ANKS1A: variants seen among roughly 807,000 people sequenced by gnomAD.
ANKS1A encodes ankyrin repeat and SAM domain-containing protein 1A.
ANKS1A carries 55 observed loss-of-function variants against 120.3 expected under a neutral mutation model. That is an observed-to-expected ratio of 0.46 (90% confidence interval 0.37 to 0.57). The LOEUF is 0.57. Among genes scored for constraint, ANKS1A ranks in the 20% least tolerant of loss-of-function variants. ANKS1A has a pLI of 0.00. For synonymous variants in ANKS1A, 590 were observed against 604.7 expected (o/e 0.98, Z 0.36); for missense variants, 1,123 against 1,480.3 (o/e 0.76, Z 3.96).
chr6:34,939,969 C>A (rs908425701), intron 1 of ANKS1A, among the ~76,000 whole-genome samples: 4 of 152,104 alleles, frequency 2.6e-5, no homozygotes, highest in African/African-American at 9.7e-5. Context: ...TTGGGGGAAG[C>A]GCTATAGTGT....
At chr6:35,061,811 G>C (rs1468178026) in intron 13 of ANKS1A, among the ~76,000 whole-genome samples, 1 of 152,200 alleles carries the variant, frequency 6.6e-6, no homozygotes, top group Non-Finnish European at 1.5e-5. Context: ...TCGGGGTGGA[G>C]AGGGGGCTCA....
Position 34,967,760 on chromosome 6 carries a change from G to A in ANKS1A, c.278+441G>A, listed in dbSNP as rs375742588. ...CACTGAGAAACAGAGAAAAACAAAC[G>A]TAAGTTCAGTTCATTCAGCATTTCT... On this transcript the variant is annotated intron_variant, in intron 2 of 23. Transcript: ENST00000360359. Among the ~76,000 whole-genome samples the A allele has an allele frequency of 6.8e-4, 103 of 152,054 alleles. No individual in the cohort carries two copies. In the South Asian group the frequency reaches 0.011, roughly 17 times the overall value.
In ANKS1A at chr6:35,090,977, C is replaced by T. The variant is rs145457074; in HGVS notation, c.*2368C>T. The T allele has an allele frequency of 5.4e-5, 53 of 985,870 alleles. No homozygotes were observed. In the African/African-American group the frequency reaches 8.5e-4, roughly 16 times the overall value. 61.1% of individuals were successfully genotyped at this position (985,870 alleles called of 1,614,324 possible). A position where few individuals can be genotyped will look rare whatever the true frequency, so the allele number is the denominator to read the frequency against. On this transcript the variant is annotated 3_prime_UTR_variant, in exon 24 of 24. Transcript: ENST00000360359. ...AGCGTCAGACACTAATGGGAGTTCC[C>T]GAGATGCTCGGGTTTGAGCAGGGAG...
intron 10 of ANKS1A, among the ~76,000 whole-genome samples, chr6:35,010,598 A>T (rs1773712280): frequency 6.6e-6 from 1 of 152,202 alleles, no homozygotes; most frequent in African/African-American, 2.4e-5. Context: ...CCTGTCTAAA[A>T]GTCCCATAAC....
Position 34,969,875 on chromosome 6 carries a change from G to A in ANKS1A, c.279-135G>A, listed in dbSNP as rs1391731187. 1.9e-5 allele frequency: 18 copies of A among 962,768 alleles called. No homozygotes were observed. In the East Asian group the frequency reaches 2.1e-4, roughly 11 times the overall value. 59.6% of individuals were successfully genotyped at this position (962,768 alleles called of 1,614,324 possible). On this transcript the variant is annotated intron_variant, in intron 2 of 23. Coordinates refer to ENST00000360359, the MANE Select transcript of ANKS1A (RefSeq NM_015245.3). The stretch of plus-strand genomic sequence containing the variant: ...TCATGGAATAAAAGGAAAAGCTGGG[G>A]TGGTGAGCTCAGGTAGAGACACAGG...
chr6:34,985,741 G>C (rs1772163224), intron 8 of ANKS1A, among the ~76,000 whole-genome samples: 2 of 152,154 alleles, frequency 1.3e-5, no homozygotes, highest in Admixed American at 6.5e-5. Context: ...GATTTGGGCA[G>C]GTTCTGGATT....
chr6:34,943,856 A>C lies in ANKS1A; in HGVS notation c.198-23383A>C, dbSNP rs546491850. ...GCAGTTATGAATAGAGCTGCTATAA[A>C]CATTTGTGTGCAAGTTTTGGTGCAG... On this transcript the variant is annotated intron_variant, in intron 1 of 23. Coordinates refer to ENST00000360359, the MANE Select transcript of ANKS1A (RefSeq NM_015245.3). Among the ~76,000 whole-genome samples the C allele has an allele frequency of 2.0e-5, 3 of 152,372 alleles. No individual in the cohort carries two copies. In the East Asian group the frequency reaches 5.8e-4, roughly 29 times the overall value.
At chr6:34,907,671 G>T (rs1196899276) in intron 1 of ANKS1A, among the ~76,000 whole-genome samples, 2 of 152,122 alleles carry the variant, frequency 1.3e-5, no homozygotes, top group African/African-American at 4.8e-5. Flanking sequence ...CAACTTTTCT[G>T]TAAGCCTAAT....
intron 13 of ANKS1A, among the ~76,000 whole-genome samples, chr6:35,061,078 T>C (rs926563839): frequency 6.6e-6 from 1 of 152,216 alleles, no homozygotes; most frequent in Non-Finnish European, 1.5e-5. Context: ...GCGCCGTTCT[T>C]AGTGGTTTGC....
At chr6:34,925,057 T>C (rs531781333) in intron 1 of ANKS1A, among the ~76,000 whole-genome samples, 1 of 152,366 alleles carries the variant, frequency 6.6e-6, no homozygotes, top group Admixed American at 6.5e-5. Flanking sequence ...TTATTTCTAC[T>C]GGGCTTTTCA....
intron 11 of ANKS1A, 80 bp from the exon 12 acceptor site, chr6:35,054,019 C>A (rs541349332): frequency 2.5e-6 from 3 of 1,185,222 alleles, no homozygotes; most frequent in East Asian, 2.4e-5. Flanking sequence ...GGAGGTCAGA[C>A]CCCACTGGCG....
In ANKS1A at chr6:35,085,912, T is replaced by C. The variant is rs750702264; in HGVS notation, c.3279T>C (p.Pro1093=). The C allele has an allele frequency of 2.5e-6, 4 of 1,610,890 alleles. No homozygotes were observed. In the South Asian group the frequency reaches 4.4e-5, roughly 18 times the overall value. The change falls in exon 22 of 24, where the codon CCT becomes CCC. Residue 1093 remains proline, a synonymous_variant. Transcript: ENST00000360359. The surrounding 1 kb of genome is among the most constrained non-coding windows in gnomAD (Gnocchi z 4.7). ...AATCTTCCAAACCGGTGCCTAAGCC[T>C]CGGGTCGGCGTGAGGAAATCCGCAG... is the stretch of plus-strand genomic sequence containing the variant. ...ETKSSKPVPK[P]RVGVRKSALE...
In ANKS1A at chr6:34,982,553, T is replaced by G. The variant is rs981022148; in HGVS notation, c.733-199T>G. Among the ~76,000 whole-genome samples, 1 of 152,164 alleles carries G rather than the reference T, an allele frequency of 6.6e-6. No homozygotes were observed. Among genetic ancestry groups the G allele is most frequent in the Non-Finnish European group, 1.5e-5 (1 of 68,036 alleles). ...CAGTTATTCACACGTGGCCTGCTGG[T>G]GGCACAGAATGGCCTTGGTGTATGG... is the stretch of plus-strand genomic sequence containing the variant. On this transcript the variant is annotated intron_variant, in intron 4 of 23. Coordinates refer to ENST00000360359, the MANE Select transcript of ANKS1A (RefSeq NM_015245.3). This position sits in a 1 kb window ranked among gnomAD's most constrained non-coding sequence, Gnocchi z 4.9.
chr6:35,032,329 A>G (rs555608445), intron 11 of ANKS1A, among the ~76,000 whole-genome samples: 7 of 152,308 alleles, frequency 4.6e-5, no homozygotes, highest in Non-Finnish European at 7.4e-5. Context: ...TCTGTCTGCC[A>G]TAAAACCTGC....
intron 3 of ANKS1A, among the ~76,000 whole-genome samples, chr6:34,980,393 T>C (rs1308544372): frequency 6.6e-6 from 1 of 152,256 alleles, no homozygotes; most frequent in Non-Finnish European, 1.5e-5. Context: ...GGGGAGTTGT[T>C]CCCAGCAGCT....
At chr6:35,080,401 G>A (rs1318061579) in intron 16 of ANKS1A, among the ~76,000 whole-genome samples, 2 of 152,242 alleles carry the variant, frequency 1.3e-5, no homozygotes, top group Non-Finnish European at 2.9e-5. Flanking sequence ...GCCTGCAGCT[G>A]AGGAAGAGCT....
chr6:35,082,239 C>T lies in ANKS1A; in HGVS notation c.2710-452C>T, dbSNP rs1057135097. On this transcript the variant is annotated intron_variant, in intron 17 of 23. Coordinates refer to ENST00000360359, the MANE Select transcript of ANKS1A (RefSeq NM_015245.3). This position sits in a 1 kb window ranked among gnomAD's most constrained non-coding sequence, Gnocchi z 4.1. ...TCCATTTGGAATGCATTCCTAGGCA[C>T]GGGCGGGTGCTTCACTGGCTTCCCC... Among the ~76,000 whole-genome samples the T allele has an allele frequency of 1.3e-5, 2 of 151,946 alleles. No homozygotes were observed. Among genetic ancestry groups the T allele is most frequent in the Non-Finnish European group, 2.9e-5 (2 of 67,960 alleles).
intron 1 of ANKS1A, among the ~76,000 whole-genome samples, chr6:34,917,940 T>A (rs1768245479): frequency 6.6e-6 from 1 of 152,170 alleles, no homozygotes; most frequent in Admixed American, 6.5e-5. Context: ...CCTGGTAGTA[T>A]ACAGCCTCTT....
chr6:34,937,342 G>A (rs183513510), intron 1 of ANKS1A, among the ~76,000 whole-genome samples: 1 of 151,794 alleles, frequency 6.6e-6, no homozygotes, highest in Admixed American at 6.6e-5. Context: ...TAAAAAGAAT[G>A]GCTGGATTCA....
Sources: allele counts gnomAD v4.1 joint callset (sites outside exome capture counted in the v4.1 genomes callset), GRCh38; gene constraint gnomAD v4.1.1; non-coding constraint Gnocchi (gnomAD v3.1); transcripts MANE v1.5; gene names NCBI Gene and HGNC (gene_info 2026-07-23, HGNC 2026-07-21).